SKAP2: variants seen among roughly 807,000 people sequenced by gnomAD.
The protein encoded by SKAP2 is src kinase-associated phosphoprotein 2.
A neutral mutation model predicts 54.9 loss-of-function variants in SKAP2; 28 were observed. That is an observed-to-expected ratio of 0.51 (90% CI 0.38 to 0.70). SKAP2 has a LOEUF of 0.70. Among genes scored for constraint, SKAP2 ranks in the 30% least tolerant of loss-of-function variants. The probability of loss-of-function intolerance (pLI) is 0.00; values close to 1 mark genes in which losing one functional copy is unlikely to be tolerated. For missense variants in SKAP2, 356 were observed against 424.1 expected (o/e 0.84, Z 1.41); for synonymous variants, 137 against 134.3 (o/e 1.02, Z -0.14).
chr7:26,663,155 C>A (rs928627786), downstream of SKAP2, among the ~76,000 whole-genome samples: 1 of 152,238 alleles, frequency 6.6e-6, no homozygotes, highest in Non-Finnish European at 1.5e-5. Flanking sequence ...TTTCAAAGAA[C>A]TCTACAGAAT....
At chr7:26,763,575 G>A (rs1027631716) in intron 4 of SKAP2, among the ~76,000 whole-genome samples, 3 of 152,020 alleles carry the variant, frequency 2.0e-5, no homozygotes, top group South Asian at 4.1e-4. Context: ...TTGAGATGAC[G>A]TAAAATATCC....
At chr7:26,766,915 T>G (rs964600774) in intron 4 of SKAP2, among the ~76,000 whole-genome samples, 1 of 152,206 alleles carries the variant, frequency 6.6e-6, no homozygotes, top group African/African-American at 2.4e-5. Context: ...TCAGGGATAT[T>G]GGCCTGAAAT....
chr7:26,705,223 T>G (rs1321862999), intron 9 of SKAP2, among the ~76,000 whole-genome samples: 1 of 152,240 alleles, frequency 6.6e-6, no homozygotes, highest in Non-Finnish European at 1.5e-5. Context: ...ATATGAGATT[T>G]TATAAACTTT....
chr7:26,676,511 T>G (rs992048785), intron 11 of SKAP2, among the ~76,000 whole-genome samples: 7 of 152,172 alleles, frequency 4.6e-5, no homozygotes, highest in African/African-American at 1.7e-4. Context: ...TCCCTTATTA[T>G]GTTGAGCCTC....
chr7:26,787,079 C>A (rs974518380), intron 4 of SKAP2, among the ~76,000 whole-genome samples: 2 of 152,168 alleles, frequency 1.3e-5, no homozygotes, highest in Non-Finnish European at 2.9e-5. Context: ...CAAGATCCAG[C>A]TATCTCATAT....
At chr7:26,726,513 A>G (rs1164871600) in intron 7 of SKAP2, among the ~76,000 whole-genome samples, 1 of 152,108 alleles carries the variant, frequency 6.6e-6, no homozygotes, top group Non-Finnish European at 1.5e-5. Flanking sequence ...AAGCAATACA[A>G]TATGTATTAT....
rs1262776020 is a variant in SKAP2, at chr7:26,667,425, A to C, written c.*2241T>G. ...GTATACAAATGATTTCATCAAATGA[A>C]TATAAAGCAGTCATGAATTGAAAGT... On this transcript the variant is annotated 3_prime_UTR_variant, in exon 13 of 13. Transcript: ENST00000345317. The C allele has an allele frequency of 6.6e-6, 1 of 152,300 alleles. No homozygotes were observed. The highest frequency in any genetic ancestry group is 1.9e-4 in the East Asian group (1 of 5,200). 9.4% of individuals were successfully genotyped at this position (152,300 alleles called of 1,614,324 possible).
At chr7:26,674,034 G>A (rs549117505) in intron 11 of SKAP2, among the ~76,000 whole-genome samples, 2 of 152,082 alleles carry the variant, frequency 1.3e-5, no homozygotes, top group South Asian at 2.1e-4. Context: ...CGCTTTCTGC[G>A]AATGATATGG....
intron 3 of SKAP2, among the ~76,000 whole-genome samples, chr7:26,851,133 T>A (rs576465046): frequency 5.3e-5 from 8 of 151,806 alleles, no homozygotes; most frequent in African/African-American, 1.9e-4. Context: ...ATTTTAGGAA[T>A]TGACAGCCAG....
chr7:26,785,343 C>T (rs1182600607), intron 4 of SKAP2, among the ~76,000 whole-genome samples: 6 of 152,104 alleles, frequency 3.9e-5, no homozygotes, highest in Admixed American at 1.3e-4. Context: ...CCCGCCACCA[C>T]ACCGGGCTAA....
chr7:26,748,279 T>C (rs1381575363), intron 4 of SKAP2, among the ~76,000 whole-genome samples: 1 of 152,166 alleles, frequency 6.6e-6, no homozygotes, highest in Non-Finnish European at 1.5e-5. Flanking sequence ...TTGTTCCTTA[T>C]AGAATTTTAA....
chr7:26,671,374 G>A (rs1333454626), intron 11 of SKAP2, among the ~76,000 whole-genome samples: 1 of 152,046 alleles, frequency 6.6e-6, no homozygotes, highest in African/African-American at 2.4e-5. Flanking sequence ...TATATGTGGG[G>A]AGGGAATGTT....
At position 26,794,079 on chromosome 7, in the gene SKAP2, G is replaced by A. The variant is rs568422955; in HGVS notation, c.307+49951C>T. ...AATTAAAAGCAAACAAGAAAATTGA[G>A]CTGCTATCCCCAGCAGGAGCCCAAT... On this transcript the variant is annotated intron_variant, in intron 4 of 12. Coordinates refer to ENST00000345317, the MANE Select transcript of SKAP2 (RefSeq NM_003930.5). Among the ~76,000 whole-genome samples the A allele has an allele frequency of 2.5e-4, 38 of 152,284 alleles. No individual in the cohort carries two copies. The South Asian group carries it at 2.9e-3, about 12-fold the overall frequency.
At chr7:26,747,906 A>C (rs1782591801) in intron 4 of SKAP2, among the ~76,000 whole-genome samples, 1 of 151,974 alleles carries the variant, frequency 6.6e-6, no homozygotes, top group Non-Finnish European at 1.5e-5. Flanking sequence ...AACTATGAAA[A>C]ATTCTAATGG....
chr7:26,725,487 AT>A lies in SKAP2; in HGVS notation c.736del (p.Ile246Ter). ...LYDDVDHPLP[I>X]SNPLTSSQPI... is the part of the protein sequence containing the mutation. Reference sequence around the variant, plus strand: ...TTGACTGCTTGTTAGTGGATTGCTTATTGGTAGAGGATGATCAACATCATCA... The same window carrying A: ...TTGACTGCTTGTTAGTGGATTGCTTATGGTAGAGGATGATCAACATCATCA... On this transcript the variant is annotated frameshift_variant, in exon 9 of 13. Transcript: ENST00000345317. LOFTEE classifies it high-confidence loss of function. 1.2e-6 allele frequency: 2 copies of A among 1,612,364 alleles called. No individual in the cohort carries two copies. The highest frequency in any genetic ancestry group is 1.7e-6 in the Non-Finnish European group (2 of 1,179,458).
intron 4 of SKAP2, among the ~76,000 whole-genome samples, chr7:26,807,274 C>A (rs1242687248): frequency 2.6e-5 from 4 of 152,122 alleles, no homozygotes; most frequent in Non-Finnish European, 5.9e-5. Context: ...GTGTCTCCAC[C>A]CAAATCTCAT....
At chr7:26,769,648 G>A (rs1042647951) in intron 4 of SKAP2, among the ~76,000 whole-genome samples, 41 of 152,168 alleles carry the variant, frequency 2.7e-4, no homozygotes, top group African/African-American at 9.2e-4. Context: ...TTGAGTGGTC[G>A]TCCTTTTTGT....
chr7:26,860,928 A>G (rs1785260710), intron 1 of SKAP2, among the ~76,000 whole-genome samples: 2 of 13,786 alleles, frequency 1.5e-4, no homozygotes, highest in Non-Finnish European at 3.0e-4. Context: ...CAAGAGTGCC[A>G]TGTGAACAAA....
chr7:26,793,679 G>C (rs1783714307), intron 4 of SKAP2, among the ~76,000 whole-genome samples: 1 of 152,124 alleles, frequency 6.6e-6, no homozygotes, highest in Non-Finnish European at 1.5e-5. Context: ...CTTTGGACAA[G>C]TCAATTAACA....
Sources: allele counts gnomAD v4.1 joint callset (sites outside exome capture counted in the v4.1 genomes callset), GRCh38; gene constraint gnomAD v4.1.1; transcripts MANE v1.5; gene names NCBI Gene and HGNC (gene_info 2026-07-23, HGNC 2026-07-21).